The following PVT1 variants were observed in gnomAD, a reference collection of about 807,000 sequenced individuals.
The protein encoded by PVT1 is CXCR4/PVT1 fusion.
intron 2 of PVT1, among the ~76,000 whole-genome samples, chr8:127,876,464 G>A (rs1815406457): frequency 6.7e-6 from 1 of 148,994 alleles, no homozygotes; most frequent in Non-Finnish European, 1.5e-5. Context: ...TATTATATCT[G>A]ACAGGTTTTT....
intron 4 of PVT1, among the ~76,000 whole-genome samples, chr8:128,019,058 A>C (rs748680658): frequency 6.6e-6 from 1 of 152,224 alleles, no homozygotes; most frequent in Non-Finnish European, 1.5e-5. Flanking sequence ...GCAGTGCATC[A>C]GCAATGAGCA....
At chr8:128,048,460 C>T (rs1055593207) in intron 4 of PVT1, 1 of 152,220 alleles carries the variant, frequency 6.6e-6, no homozygotes, top group African/African-American at 2.4e-5. Context: ...TACAGAGAAA[C>T]AAGGAGACGG....
At chr8:127,998,120 G>C (rs931193912) in intron 4 of PVT1, 1 of 152,192 alleles carries the variant, frequency 6.6e-6, no homozygotes, top group African/African-American at 2.4e-5. Flanking sequence ...CTGCTGTAGT[G>C]GTTGTCAGGT....
chr8:127,798,807 C>T (rs368223274), intron 2 of PVT1, among the ~76,000 whole-genome samples: 2 of 151,634 alleles, frequency 1.3e-5, no homozygotes, highest in South Asian at 2.1e-4. Flanking sequence ...ACCCGGGAGA[C>T]GGAGTTTGCA....
chr8:127,879,459 G>T (rs904262774), intron 2 of PVT1, among the ~76,000 whole-genome samples: 2 of 152,226 alleles, frequency 1.3e-5, no homozygotes, highest in African/African-American at 2.4e-5. Context: ...AACCCAGGAG[G>T]TGGAGGTTGT....
intron 3 of PVT1, among the ~76,000 whole-genome samples, chr8:127,910,872 G>A (rs556556080): frequency 6.7e-6 from 1 of 149,434 alleles, no homozygotes; most frequent in Admixed American, 6.7e-5. Flanking sequence ...CATTATATCA[G>A]TCTGCTGTGT....
intron 3 of PVT1, among the ~76,000 whole-genome samples, chr8:127,959,317 T>G (rs971378322): frequency 1.1e-4 from 17 of 152,182 alleles, no homozygotes; most frequent in African/African-American, 4.1e-4. Flanking sequence ...CTGGGCGCGG[T>G]GGCTCACGCC....
chr8:127,846,797 A>G (rs1815039271), intron 2 of PVT1, among the ~76,000 whole-genome samples: 1 of 149,952 alleles, frequency 6.7e-6, no homozygotes, highest in Non-Finnish European at 1.5e-5. Flanking sequence ...TCACCCTCCC[A>G]AGTAGCTGGG....
chr8:128,041,668 G>A (rs879642355), intron 4 of PVT1, among the ~76,000 whole-genome samples: 10 of 150,246 alleles, frequency 6.7e-5, no homozygotes, highest in Admixed American at 1.3e-4. Context: ...TTGTGAGTGC[G>A]TGTTGTTCGT....
intron 2 of PVT1, among the ~76,000 whole-genome samples, chr8:127,820,363 A>G (rs1023508977): frequency 1.1e-4 from 17 of 152,218 alleles, no homozygotes; most frequent in African/African-American, 4.1e-4. Context: ...GTAATAAATT[A>G]TGCTTTTTAA....
intron 5 of PVT1, among the ~76,000 whole-genome samples, chr8:128,095,641 C>G (rs1814418115): frequency 6.6e-6 from 1 of 152,232 alleles, no homozygotes; most frequent in African/African-American, 2.4e-5. Flanking sequence ...AATCGTGAGA[C>G]AGACCTGTGC....
At chr8:127,811,239 CT>C (rs1814591663) in intron 2 of PVT1, among the ~76,000 whole-genome samples, 1 of 152,176 alleles carries the variant, frequency 6.6e-6, no homozygotes, top group African/African-American at 2.4e-5. Flanking sequence ...AGAGCTTCCA[CT>C]TTTAAAAGAG....
At chr8:127,997,095 C>T (rs1178058474) in intron 4 of PVT1, among the ~76,000 whole-genome samples, 1 of 118,682 alleles carries the variant, frequency 8.4e-6, no homozygotes, top group African/African-American at 3.2e-5. Flanking sequence ...ACTCTTGTTG[C>T]CTAGGGTGGA....
At chr8:127,859,744 C>T (rs577249252) in intron 2 of PVT1, among the ~76,000 whole-genome samples, 21 of 152,106 alleles carry the variant, frequency 1.4e-4, no homozygotes, top group Non-Finnish European at 1.3e-4. Flanking sequence ...GGTTGAATCT[C>T]GGGCCTGCTA....
At chr8:128,090,494 TAGGG>T (rs1489449457) in intron 5 of PVT1, among the ~76,000 whole-genome samples, 1 of 152,150 alleles carries the variant, frequency 6.6e-6, no homozygotes, top group Non-Finnish European at 1.5e-5. Context: ...ACGTGTTTCT[TAGGG>T]AGCCTTTTGT....
intron 2 of PVT1, among the ~76,000 whole-genome samples, chr8:127,864,983 A>G (rs1051852978): frequency 6.6e-6 from 1 of 152,232 alleles, no homozygotes; most frequent in Non-Finnish European, 1.5e-5. Context: ...AGAGGATCTA[A>G]GACCAGAACT....
At chr8:128,091,925 GGGTTGCT>G (rs1254074002) in intron 5 of PVT1, among the ~76,000 whole-genome samples, 4 of 152,134 alleles carry the variant, frequency 2.6e-5, no homozygotes, top group South Asian at 2.1e-4. Context: ...TTGTCCTGTG[GGGTTGCT>G]GAGAGCTGTC....
rs528698516 is a variant in PVT1, at chr8:127,979,266, C to T, written n.783-9896C>T. Among the ~76,000 whole-genome samples, 9 of 152,358 alleles carry T rather than the reference C, an allele frequency of 5.9e-5. No individual in the cohort carries two copies. The East Asian group carries it at 7.7e-4, about 13-fold the overall frequency. On this transcript the variant is annotated intron_variant and non_coding_transcript_variant, in intron 3 of 10. Transcript: ENST00000651587. ...AACTCAATGAGCTGGGATTCATCCA[C>T]GCATTCAAACGATCACAAGTGTTTG... is the stretch of plus-strand genomic sequence containing the variant.
chr8:128,044,000 T>G (rs113889838), intron 4 of PVT1, among the ~76,000 whole-genome samples: 4,380 of 105,346 alleles, frequency 0.042, 199 homozygotes, highest in African/African-American at 0.14. Flanking sequence ...TTAATTTTTT[T>G]ATTATTATTT....
Sources: gnomAD v4.1 joint callset for allele counts (sites outside exome capture counted in the v4.1 genomes callset) on GRCh38, gnomAD v4.1.1 for gene constraint, MANE v1.5 for transcripts, NCBI Gene and HGNC (gene_info 2026-07-23, HGNC 2026-07-21) for gene names.